Variants in RBFOX1 observed in about 807,000 individuals in gnomAD.
RBFOX1 encodes the protein RNA binding protein fox-1 homolog 1.
Under a neutral mutation model 57.7 loss-of-function variants are expected in RBFOX1, and 8 were observed. The observed-to-expected ratio is 0.14, with a 90% CI of 0.08 to 0.25. RBFOX1 has a LOEUF of 0.25. RBFOX1 is among the 10% of genes least tolerant of loss of function. The pLI is 1.00. For missense variants in RBFOX1, 611 were observed against 548.5 expected (o/e 1.11, Z -1.14); for synonymous variants, 326 against 222.4 (o/e 1.47, Z -4.15).
chr16:5,952,608 A>G (rs554670360), intron 4 of RBFOX1, among the ~76,000 whole-genome samples: 1 of 152,196 alleles, frequency 6.6e-6, no homozygotes, highest in South Asian at 2.1e-4. Context: ...TTTTGTTCTT[A>G]TGTTATTTAC....
chr16:5,957,816 C>T (rs2059675750), intron 4 of RBFOX1, among the ~76,000 whole-genome samples: 2 of 152,084 alleles, frequency 1.3e-5, no homozygotes, highest in South Asian at 4.1e-4. Context: ...GTGTTACAAA[C>T]AATCCACTTA....
chr16:6,659,409 G>C (rs58843964), intron 3 of RBFOX1, among the ~76,000 whole-genome samples: 1 of 152,050 alleles, frequency 6.6e-6, no homozygotes, highest in Non-Finnish European at 1.5e-5. Flanking sequence ...GATAGCTTTC[G>C]TGCTGTGGTT....
chr16:7,132,215 G>A (rs756547512), intron 4 of RBFOX1, among the ~76,000 whole-genome samples: 9 of 151,834 alleles, frequency 5.9e-5, no homozygotes, highest in East Asian at 1.9e-4. Context: ...TCCTGACTTC[G>A]ACTGATCTGC....
At chr16:5,680,268 G>A (rs542234352) in intron 3 of RBFOX1, among the ~76,000 whole-genome samples, 6 of 152,242 alleles carry the variant, frequency 3.9e-5, no homozygotes, top group South Asian at 2.1e-4. Context: ...TCAGTCTGGC[G>A]GAGATTTGTT....
chr16:5,732,551 C>G (rs914176287), intron 3 of RBFOX1, among the ~76,000 whole-genome samples: 1 of 152,168 alleles, frequency 6.6e-6, no homozygotes, highest in South Asian at 2.1e-4. Context: ...TGGGGTCAGG[C>G]AGACGATGGT....
At chr16:6,367,366 G>A (rs1375883186) in intron 2 of RBFOX1, among the ~76,000 whole-genome samples, 2 of 152,092 alleles carry the variant, frequency 1.3e-5, no homozygotes, top group African/African-American at 4.8e-5. Context: ...TGCCTCCCGG[G>A]TTCAGGTGAT....
intron 3 of RBFOX1, among the ~76,000 whole-genome samples, chr16:5,753,471 G>A (rs754368605): frequency 1.3e-5 from 2 of 152,162 alleles, no homozygotes; most frequent in African/African-American, 4.8e-5. Flanking sequence ...CCATATGGTA[G>A]ACAGAGGAAT....
intron 1 of RBFOX1, among the ~76,000 whole-genome samples, chr16:6,148,869 C>G (rs965955371): frequency 2.0e-5 from 3 of 152,060 alleles, no homozygotes; most frequent in African/African-American, 7.2e-5. Context: ...ATAATGCAAT[C>G]AGGTTTTAGT....
intron 3 of RBFOX1, among the ~76,000 whole-genome samples, chr16:6,690,736 G>T (rs2060087544): frequency 7.0e-6 from 1 of 142,892 alleles, no homozygotes; most frequent in Non-Finnish European, 1.5e-5. Context: ...TTCAAGTTCG[G>T]TTTGGTTTCT....
chr16:5,300,340 G>A (rs2063772526), intron 1 of RBFOX1, among the ~76,000 whole-genome samples: 1 of 152,252 alleles, frequency 6.6e-6, no homozygotes, highest in East Asian at 1.9e-4. Flanking sequence ...AGAATGATAC[G>A]AGGGATCTTG....
chr16:5,841,033 G>A (rs562993057), intron 3 of RBFOX1, among the ~76,000 whole-genome samples: 2 of 152,280 alleles, frequency 1.3e-5, no homozygotes, highest in Admixed American at 6.5e-5. Context: ...TGCAGATAAC[G>A]TCTCAGGCAG....
intron 2 of RBFOX1, among the ~76,000 whole-genome samples, chr16:5,584,643 C>T (rs2046775294): frequency 6.6e-6 from 1 of 152,172 alleles, no homozygotes; most frequent in African/African-American, 2.4e-5. Context: ...TGGTTACCCT[C>T]AGGTGTCTGA....
At chr16:6,270,562 A>C (rs2075090212) in intron 1 of RBFOX1, among the ~76,000 whole-genome samples, 1 of 152,168 alleles carries the variant, frequency 6.6e-6, no homozygotes, top group Non-Finnish European at 1.5e-5. Flanking sequence ...CACTCATTAA[A>C]CACAGAGCTA....
chr16:6,767,153 C>G (rs997781046), intron 3 of RBFOX1, among the ~76,000 whole-genome samples: 4 of 152,124 alleles, frequency 2.6e-5, no homozygotes, highest in African/African-American at 9.7e-5. Context: ...TTCCAGAGAG[C>G]TGGCTCCTTA....
chr16:6,307,518 CATT>C (rs2079660233), intron 1 of RBFOX1, among the ~76,000 whole-genome samples: 1 of 146,252 alleles, frequency 6.8e-6, no homozygotes, highest in Non-Finnish European at 1.5e-5. Flanking sequence ...AAATAATAGT[CATT>C]ATATAATATC....
chr16:6,498,492 G>A (rs1014961932), intron 2 of RBFOX1, among the ~76,000 whole-genome samples: 1 of 152,064 alleles, frequency 6.6e-6, no homozygotes, highest in African/African-American at 2.4e-5. Context: ...AGGATATTGG[G>A]GCTTGGTTCA....
intron 2 of RBFOX1, among the ~76,000 whole-genome samples, chr16:6,637,767 C>T (rs745682376): frequency 3.4e-4 from 52 of 151,714 alleles, no homozygotes; most frequent in Non-Finnish European, 5.6e-4. Context: ...AAGAACACAA[C>T]AAGTTGGCGT....
At chr16:5,243,124 G>A (rs866228180) in intron 1 of RBFOX1, among the ~76,000 whole-genome samples, 2 of 152,118 alleles carry the variant, frequency 1.3e-5, no homozygotes, top group Non-Finnish European at 2.9e-5. Flanking sequence ...TTTATTGACC[G>A]CTTGTGAATG....
intron 2 of RBFOX1, among the ~76,000 whole-genome samples, chr16:6,508,365 TAAAAC>T (rs983571245): frequency 6.6e-6 from 1 of 152,132 alleles, no homozygotes; most frequent in African/African-American, 2.4e-5. Context: ...ACATAAAACT[TAAAAC>T]AAAAATATAA....
Sources: gnomAD v4.1 joint callset for allele counts (sites outside exome capture counted in the v4.1 genomes callset) on GRCh38, gnomAD v4.1.1 for gene constraint, MANE v1.5 for transcripts, NCBI Gene and HGNC (gene_info 2026-07-23, HGNC 2026-07-21) for gene names.